DYNC2H1: variants seen among roughly 807,000 people sequenced by gnomAD.
The protein encoded by DYNC2H1 is cytoplasmic dynein 2 heavy chain 1.
Under a neutral mutation model 570.0 loss-of-function variants are expected in DYNC2H1, and 410 were observed. The ratio of observed to expected loss-of-function variants is 0.72; its 90% CI spans 0.66 to 0.78. DYNC2H1 has a LOEUF of 0.78. DYNC2H1 is among the 30% of genes least tolerant of loss of function. The probability of loss-of-function intolerance (pLI) is 0.00; values close to 1 mark genes in which losing one functional copy is unlikely to be tolerated. For synonymous variants in DYNC2H1, 1,688 were observed against 1,677.6 expected, an observed-to-expected ratio of 1.01 and a Z score of -0.15; for missense variants, 4,865 against 5,046.4, an observed-to-expected ratio of 0.96 and a Z score of 1.09.
intron 85 of DYNC2H1, among the ~76,000 whole-genome samples, chr11:103,447,547 G>C (rs959948876): frequency 6.6e-6 from 1 of 152,082 alleles, no homozygotes; most frequent in African/African-American, 2.4e-5. Flanking sequence ...TCAATTTACA[G>C]ACTTGGAAGA....
At position 103,185,405 on chromosome 11, in the gene DYNC2H1, G is replaced by A. The variant is rs960961686; in HGVS notation, c.6633+354G>A. On this transcript the variant is annotated intron_variant, in intron 41 of 88. Coordinates refer to ENST00000375735, the MANE Select transcript of DYNC2H1 (RefSeq NM_001377.3). This position sits in a 1 kb window ranked among gnomAD's most constrained non-coding sequence, Gnocchi z 4.5. ...AGTTTTTATCATCCTTTTAACTAGA[G>A]CAGTTTTAGGAATTGGGAATATTAG... is the stretch of plus-strand genomic sequence containing the variant. 6.6e-6 allele frequency among the ~76,000 whole-genome samples: 1 copy of A among 151,614 alleles called. No homozygotes were observed. Among genetic ancestry groups the A allele is most frequent in the African/African-American group, 2.4e-5 (1 of 41,330 alleles).
chr11:103,397,350 G>C (rs1271324586), intron 83 of DYNC2H1, among the ~76,000 whole-genome samples: 1 of 151,906 alleles, frequency 6.6e-6, no homozygotes, highest in Admixed American at 6.6e-5. Context: ...TAAACATATG[G>C]CTGTCAGTTG....
In DYNC2H1 at chr11:103,243,308, A is replaced by ATAG. The variant is rs1864492107; in HGVS notation, c.9820-385_9820-384insTAG. ...AGATAGATAGATAGATAGATAGATAAATAGAGAATAATTTGACTGTGTATT... is the reference window on the plus strand; with the variant it reads ...AGATAGATAGATAGATAGATAGATAATAGATAGAGAATAATTTGACTGTGTATT... On this transcript the variant is annotated intron_variant, in intron 63 of 88. Transcript: ENST00000375735. The surrounding 1 kb of genome is among the most constrained non-coding windows in gnomAD (Gnocchi z 4.8). Among the ~76,000 whole-genome samples the ATAG allele has an allele frequency of 1.8e-5, 1 of 54,444 alleles. No individual in the cohort carries two copies. Among genetic ancestry groups the ATAG allele is most frequent in the African/African-American group, 8.8e-5 (1 of 11,314 alleles). The allele number at this position is 54,444 out of a possible 152,430, so 35.7% of individuals were successfully genotyped here. A position where few individuals can be genotyped will look rare whatever the true frequency, so the allele number is the denominator to read the frequency against.
chr11:103,396,506 A>C (rs1942401237), intron 83 of DYNC2H1, among the ~76,000 whole-genome samples: 2 of 152,200 alleles, frequency 1.3e-5, no homozygotes, highest in Non-Finnish European at 2.9e-5. Flanking sequence ...CCATTGCTTG[A>C]GTGTACTCTG....
rs5794210 is a variant in DYNC2H1 at position 103,155,311 on chromosome 11, CTTT to C, written c.3574-10_3574-8del. ...TATATGTGTATACATATGACTTTTT[CTTT>C]TTTTTTTTTGTAACAGATCGTAATT... On this transcript the variant is annotated splice_polypyrimidine_tract_variant and intron_variant, in intron 24 of 88. Transcript: ENST00000375735. The C allele has an allele frequency of 4.2e-5, 54 of 1,284,880 alleles. No individual in the cohort carries two copies. The highest frequency in any genetic ancestry group is 2.3e-4 in the Admixed American group (9 of 39,044). The allele number at this position is 1,284,880 out of a possible 1,614,324, so 79.6% of individuals were successfully genotyped here.
In DYNC2H1 at chr11:103,260,596, G is replaced by A. The variant is rs118065539; in HGVS notation, c.10695+619G>A. Reference sequence around the variant, plus strand: ...TTAGAAATTTTAGATATTAGAAAACGCAGAGGCCTTTTTGTACTTAGAATT... The same window carrying A: ...TTAGAAATTTTAGATATTAGAAAACACAGAGGCCTTTTTGTACTTAGAATT... On this transcript the variant is annotated intron_variant, in intron 70 of 88. Transcript: ENST00000375735. Among the ~76,000 whole-genome samples the A allele has an allele frequency of 7.6e-3, 1,146 of 151,472 alleles. 6 individuals carry two copies. The highest frequency in any genetic ancestry group is 0.013 in the Admixed American group (198 of 15,190).
chr11:103,125,366 CTTT>C (rs71465387), intron 12 of DYNC2H1, 71 bp downstream of exon 12: 14,442 of 544,118 alleles, frequency 0.027, no homozygotes, highest in Middle Eastern at 0.036. Context: ...ATGCTAAAGG[CTTT>C]TTTTTTTTTT....
intron 82 of DYNC2H1, among the ~76,000 whole-genome samples, chr11:103,344,319 C>T (rs1307978135): frequency 6.6e-6 from 1 of 152,186 alleles, no homozygotes; most frequent in Non-Finnish European, 1.5e-5. Context: ...ATTGTATAGA[C>T]AGTAACAGAA....
intron 84 of DYNC2H1, among the ~76,000 whole-genome samples, chr11:103,418,978 A>G (rs72985446): frequency 0.055 from 8,326 of 152,210 alleles, 286 homozygotes; most frequent in Non-Finnish European, 0.08. Flanking sequence ...CCCAGCAAGG[A>G]AAGAGTCCAC....
Position 103,326,375 on chromosome 11 carries a change from C to T in DYNC2H1, c.12039+2385C>T, listed in dbSNP as rs1392615489. On this transcript the variant is annotated intron_variant, in intron 82 of 88. Transcript: ENST00000375735. This position sits in a 1 kb window ranked among gnomAD's most constrained non-coding sequence, Gnocchi z 6.1. Reference sequence around the variant, plus strand: ...TGGGCTCCCTCTGACAGGCTGCATCCGGGAGATAGGCCGGCCATACGCTTT... The same window carrying T: ...TGGGCTCCCTCTGACAGGCTGCATCTGGGAGATAGGCCGGCCATACGCTTT... 1.3e-5 allele frequency among the ~76,000 whole-genome samples: 2 copies of T among 152,102 alleles called. No individual in the cohort carries two copies. Among genetic ancestry groups the T allele is most frequent in the South Asian group, 4.1e-4 (2 of 4,830 alleles).
intron 19 of DYNC2H1, among the ~76,000 whole-genome samples, chr11:103,148,178 C>G (rs1243907988): frequency 6.6e-6 from 1 of 151,962 alleles, no homozygotes. Context: ...TTCAAAATAC[C>G]ACAGTTTCTT....
chr11:103,345,282 G>GTT (rs35941820), intron 82 of DYNC2H1, among the ~76,000 whole-genome samples: 6,381 of 148,606 alleles, frequency 0.043, 265 homozygotes, highest in African/African-American at 0.11. Flanking sequence ...GGTTACTCCA[G>GTT]TTTTTTTTTT....
Position 103,186,280 on chromosome 11 carries a change from C to G in DYNC2H1, c.6672C>G (p.His2224Gln). 6.2e-7 allele frequency: 1 copy of G among 1,612,078 alleles called. No individual in the cohort carries two copies. ...HWARESPPDFHKPMDTYYDST... is the reference protein window; with the variant it reads ...HWARESPPDFQKPMDTYYDST... ...CACGAGAATCTCCTCCAGACTTTCA[C>G]AAACCTATGGATACCTACTATGACT... The change falls in exon 42 of 89, where the codon CAC becomes CAG. Residue 2224 changes from histidine to glutamine, a missense_variant. By Grantham distance (24) the His-to-Gln change is conservative (BLOSUM62 0). This residue lies in a region of DYNC2H1 where 2,401 missense variants were observed against 2,454.6 expected (regional missense o/e 0.98). Transcript: ENST00000375735. The surrounding 1 kb of genome is among the most constrained non-coding windows in gnomAD (Gnocchi z 4.5).
At chr11:103,306,619 A>G (rs190408085) in intron 77 of DYNC2H1, among the ~76,000 whole-genome samples, 54 of 152,236 alleles carry the variant, frequency 3.5e-4, no homozygotes, top group Admixed American at 3.5e-3. Flanking sequence ...TATCCTTTAT[A>G]ATTTTAAGCA....
At chr11:103,344,687 C>G (rs879596607) in intron 82 of DYNC2H1, among the ~76,000 whole-genome samples, 1 of 152,142 alleles carries the variant, frequency 6.6e-6, no homozygotes, top group South Asian at 2.1e-4. Flanking sequence ...TCTCCTTAAC[C>G]TGCTTTGTTT....
intron 85 of DYNC2H1, among the ~76,000 whole-genome samples, chr11:103,441,116 G>C (rs1357797233): frequency 2.0e-5 from 3 of 152,010 alleles, no homozygotes; most frequent in Admixed American, 6.6e-5. Flanking sequence ...TTATCTCTCT[G>C]CTTTTCGTTC....
At chr11:103,392,165 G>T (rs940017398) in intron 83 of DYNC2H1, among the ~76,000 whole-genome samples, 1 of 152,172 alleles carries the variant, frequency 6.6e-6, no homozygotes, top group Non-Finnish European at 1.5e-5. Flanking sequence ...GAGCTTCCCG[G>T]CCACTTTGTT....
At position 103,244,744 on chromosome 11, in the gene DYNC2H1, A is replaced by G. The variant is rs1340585093; in HGVS notation, c.9919-507A>G. On this transcript the variant is annotated intron_variant, in intron 64 of 88. Coordinates refer to ENST00000375735, the MANE Select transcript of DYNC2H1 (RefSeq NM_001377.3). This position sits in a 1 kb window ranked among gnomAD's most constrained non-coding sequence, Gnocchi z 4.3. ...CTTATATACATATAAGTATATAAAT[A>G]TACTATATATATCTATAGTTACAGT... is the stretch of plus-strand genomic sequence containing the variant. Among the ~76,000 whole-genome samples, 4 of 148,282 alleles carry G rather than the reference A, an allele frequency of 2.7e-5. No homozygotes were observed. Among genetic ancestry groups the G allele is most frequent in the Non-Finnish European group, 5.9e-5 (4 of 67,228 alleles).
At chr11:103,220,874 A>C in intron 57 of DYNC2H1, 91 bp downstream of exon 57, 1 of 1,281,376 alleles carries the variant, frequency 7.8e-7, no homozygotes, top group Non-Finnish European at 1.1e-6. Context: ...GTTTTTCAAA[A>C]TGCACTTCAT....
Sources: gnomAD v4.1 joint callset for allele counts (sites outside exome capture counted in the v4.1 genomes callset) on GRCh38, gnomAD v4.1.1 for gene constraint, gnomAD v4.1.1 regional missense constraint, Gnocchi (gnomAD v3.1) non-coding constraint, MANE v1.5 for transcripts, NCBI Gene and HGNC (gene_info 2026-07-23, HGNC 2026-07-21) for gene names.